The following CIB1 variants were observed in gnomAD, a reference collection of about 807,000 sequenced individuals.
CIB1 encodes calcium and integrin binding 1, also known as calcium and integrin-binding protein 1.
In CIB1, 19 loss-of-function variants were observed where a neutral mutation model predicts 25.0. That is an observed-to-expected ratio of 0.76 (90% CI 0.53 to 1.12). The LOEUF (loss-of-function observed/expected upper bound fraction) is 1.12, where lower values mean the gene tolerates loss of function less well. Ranked by LOEUF, CIB1 falls within the 50% of genes most tolerant of loss-of-function variation. The pLI is 0.00. For synonymous variants in CIB1, 104 were observed against 98.5 expected (o/e 1.06, Z -0.33); for missense variants, 236 against 242.6 (o/e 0.97, Z 0.18).
At chr15:90,239,785 C>A in the CIB1 span, among the ~76,000 whole-genome samples, 1 of 152,190 alleles carries the variant, frequency 6.6e-6, no homozygotes, top group South Asian at 2.1e-4. Flanking sequence ...CTCGGCAGTG[C>A]CTGGTGGCAC....
the CIB1 span, among the ~76,000 whole-genome samples, chr15:90,248,718 C>CAAAA: frequency 2.4e-3 from 67 of 27,792 alleles, 13 homozygotes; most frequent in Admixed American, 4.2e-3. Context: ...GACCCTGTCT[C>CAAAA]AAAAAAAAAA....
At chr15:90,262,121 C>A in the CIB1 span, 1 of 1,535,932 alleles carries the variant, frequency 6.5e-7, no homozygotes. Flanking sequence ...GAAGTATGCC[C>A]GCTTCTTCAA....
chr15:90,255,545 A>T, the CIB1 span, among the ~76,000 whole-genome samples: 1 of 151,836 alleles, frequency 6.6e-6, no homozygotes, highest in African/African-American at 2.4e-5. Context: ...CTCAGTGTGG[A>T]TGTGTGTGTT....
intron 6 of CIB1, 91 bp downstream of exon 6, chr15:90,230,843 C>T: frequency 1.7e-6 from 2 of 1,165,868 alleles, no homozygotes; most frequent in South Asian, 1.2e-5. Flanking sequence ...TTCTCTCACC[C>T]TGGCACCACC....
chr15:90,257,534 A>T, the CIB1 span: 1 of 1,126,136 alleles, frequency 8.9e-7, no homozygotes, highest in Admixed American at 2.1e-5. Context: ...GAGACAGGAG[A>T]CGAGAGATCC....
At chr15:90,256,159 C>A in the CIB1 span, 1 of 1,614,162 alleles carries the variant, frequency 6.2e-7, no homozygotes, top group South Asian at 1.1e-5. Flanking sequence ...ACTTCCAGTC[C>A]TACGGTCGTC....
chr15:90,255,694 T>C, the CIB1 span: 2 of 1,609,646 alleles, frequency 1.2e-6, no homozygotes, highest in Non-Finnish European at 1.7e-6. Flanking sequence ...CTTCCTGGGA[T>C]GCCCAGGTGC....
the CIB1 span, chr15:90,265,071 A>G: frequency 2.2e-6 from 3 of 1,395,148 alleles, no homozygotes; most frequent in Non-Finnish European, 2.8e-6. Context: ...TCCACTTTGA[A>G]AAGCCCTGCC....
chr15:90,263,192 G>A, the CIB1 span: 1 of 1,454,536 alleles, frequency 6.9e-7, no homozygotes, highest in East Asian at 2.5e-5. Flanking sequence ...AACAAGGGCT[G>A]TCATTCCAGG....
At chr15:90,257,935 A>G in the CIB1 span, 1 of 1,179,720 alleles carries the variant, frequency 8.5e-7, no homozygotes, top group Non-Finnish European at 1.2e-6. Context: ...GCAGCCCTTC[A>G]AAGCCCGGGC....
At chr15:90,230,663 T>C (rs78640215) in intron 6 of CIB1, among the ~76,000 whole-genome samples, 158 bp from the exon 7 acceptor site, 4,405 of 152,144 alleles carry the variant, frequency 0.029, 206 homozygotes, top group African/African-American at 0.099. Flanking sequence ...CAGAGGGAGC[T>C]TTCTGGACCC....
chr15:90,265,039 AAATG>A, the CIB1 span: 1 of 1,452,848 alleles, frequency 6.9e-7, no homozygotes, highest in Non-Finnish European at 9.1e-7. Context: ...AATCTTTGCT[AAATG>A]AATGACTGCC....
the CIB1 span, among the ~76,000 whole-genome samples, chr15:90,254,304 C>A: frequency 2.0e-5 from 3 of 151,372 alleles, no homozygotes; most frequent in Admixed American, 1.3e-4. Context: ...ACCAGCCTGA[C>A]CAACAGGGTA....
At chr15:90,233,758 C>T in intron 1 of CIB1, 55 bp from the exon 2 acceptor site, 2 of 1,553,150 alleles carry the variant, frequency 1.3e-6, no homozygotes, top group South Asian at 1.2e-5. Flanking sequence ...CCGCGGCCGC[C>T]CCGCAGCCAG....
At chr15:90,257,312 C>T in the CIB1 span, 2 of 1,592,594 alleles carry the variant, frequency 1.3e-6, no homozygotes, top group Non-Finnish European at 1.7e-6. Flanking sequence ...TCTTCTTTTC[C>T]ACTGCCAAAA....
At chr15:90,241,852 C>A in the CIB1 span, 2 of 1,614,148 alleles carry the variant, frequency 1.2e-6, no homozygotes, top group African/African-American at 1.3e-5. Context: ...ATTCTGTGGG[C>A]CCGGAAGTCC....
the CIB1 span, chr15:90,255,744 C>T: frequency 6.2e-7 from 1 of 1,614,136 alleles, no homozygotes; most frequent in East Asian, 2.2e-5. Flanking sequence ...TACTAACTGG[C>T]TGTGTTTCAG....
chr15:90,238,552 A>G (rs1253669460), upstream of CIB1: 1 of 152,170 alleles, frequency 6.6e-6, no homozygotes, highest in African/African-American at 2.4e-5. Flanking sequence ...TACTAAGGTA[A>G]TGCCTCCTTT....
upstream of CIB1, chr15:90,234,061 G>T (rs1023972656): frequency 2.2e-5 from 16 of 715,044 alleles, no homozygotes; most frequent in Non-Finnish European, 3.4e-5. Context: ...TTTGGCAGGC[G>T]AGCTGCCGGC....
Sources: allele counts gnomAD v4.1 joint callset (sites outside exome capture counted in the v4.1 genomes callset), GRCh38; gene constraint gnomAD v4.1.1; transcripts MANE v1.5; gene names NCBI Gene and HGNC (gene_info 2026-07-23, HGNC 2026-07-21).